UVSSA: variants seen among roughly 807,000 people sequenced by gnomAD.
The protein encoded by UVSSA is UV-stimulated scaffold protein A.
Under a neutral mutation model 73.9 loss-of-function variants are expected in UVSSA, and 72 were observed. That is an observed-to-expected ratio of 0.97 (90% confidence interval 0.81 to 1.19). The LOEUF is 1.19. Ranked by LOEUF, UVSSA falls within the 50% of genes most tolerant of loss-of-function variation. The probability of loss-of-function intolerance (pLI) is 0.00; values close to 1 mark genes in which losing one functional copy is unlikely to be tolerated. For missense variants in UVSSA, 1,150 were observed against 965.0 expected, an observed-to-expected ratio of 1.19 and a Z score of -2.54; for synonymous variants, 454 against 391.3, an observed-to-expected ratio of 1.16 and a Z score of -1.89.
chr4:1,389,915 A>G (rs1720365977), downstream of UVSSA: 1 of 152,182 alleles, frequency 6.6e-6, no homozygotes, highest in South Asian at 2.1e-4. Context: ...TTGTTGATCT[A>G]TTTAAAGAAA....
chr4:1,346,252 G>C (rs1228901805), upstream of UVSSA, among the ~76,000 whole-genome samples: 1 of 152,238 alleles, frequency 6.6e-6, no homozygotes, highest in Non-Finnish European at 1.5e-5. Flanking sequence ...GTAATGCAAG[G>C]GCACGCCCAT....
At chr4:1,352,081 A>G (rs1318584968) in intron 4 of UVSSA, among the ~76,000 whole-genome samples, 2 of 152,372 alleles carry the variant, frequency 1.3e-5, no homozygotes, top group East Asian at 3.9e-4. Flanking sequence ...ACCTCTGGGC[A>G]GAGATGCCAG....
chr4:1,375,697 G>C (rs1718681469), intron 9 of UVSSA, among the ~76,000 whole-genome samples, 189 bp downstream of exon 9: 2 of 152,236 alleles, frequency 1.3e-5, no homozygotes, highest in African/African-American at 4.8e-5. Context: ...GCCAGCATCA[G>C]CTGGAGCCCG....
intron 7 of UVSSA, among the ~76,000 whole-genome samples, chr4:1,363,074 C>T (rs530923842): frequency 2.0e-5 from 3 of 151,558 alleles, no homozygotes; most frequent in South Asian, 2.1e-4. Flanking sequence ...ATTTAGTATC[C>T]GCAGTGAAGC....
At chr4:1,374,652 C>G (rs1022111351) in intron 8 of UVSSA, among the ~76,000 whole-genome samples, 30 of 152,318 alleles carry the variant, frequency 2.0e-4, no homozygotes, top group African/African-American at 7.2e-4. Context: ...TCCGGGACGG[C>G]ATCTTGGTCC....
intron 10 of UVSSA, among the ~76,000 whole-genome samples, chr4:1,379,685 C>A (rs939674636): frequency 1.3e-5 from 2 of 152,242 alleles, no homozygotes; most frequent in African/African-American, 4.8e-5. Flanking sequence ...GACGCAGCAG[C>A]TGTCGCCCTT....
chr4:1,361,476 C>A, intron 7 of UVSSA, among the ~76,000 whole-genome samples: 1 of 152,264 alleles, frequency 6.6e-6, no homozygotes, highest in East Asian at 1.9e-4. Context: ...TCCAGGCTCT[C>A]GTTTCAGAGG....
At chr4:1,343,284 G>T (rs1713497378), upstream of UVSSA, among the ~76,000 whole-genome samples, 1 of 152,042 alleles carries the variant, frequency 6.6e-6, no homozygotes, top group Non-Finnish European at 1.5e-5. Context: ...ACACATCTCA[G>T]GAGTCTCTTC....
upstream of UVSSA, among the ~76,000 whole-genome samples, chr4:1,346,555 G>C (rs1183816442): frequency 1.3e-5 from 2 of 152,094 alleles, no homozygotes; most frequent in African/African-American, 4.8e-5. Flanking sequence ...TACCTGCTGT[G>C]CGTCTGGCGC....
At chr4:1,366,289 G>A (rs779607234) in intron 7 of UVSSA, 31 bp from the exon 8 acceptor site, 59 of 1,557,344 alleles carry the variant, frequency 3.8e-5, no homozygotes, top group Non-Finnish European at 4.9e-5. Context: ...AGGGTCTGGG[G>A]GTTGATTTGT....
intron 5 of UVSSA, chr4:1,354,491 C>CT: frequency 3.8e-6 from 2 of 533,080 alleles, no homozygotes; most frequent in East Asian, 3.2e-5. Flanking sequence ...GCCAAGGAGA[C>CT]TGAGACACAG....
intron 10 of UVSSA, among the ~76,000 whole-genome samples, chr4:1,377,021 C>G (rs948579109): frequency 2.0e-5 from 3 of 152,222 alleles, no homozygotes; most frequent in Non-Finnish European, 2.9e-5. Context: ...TTTCAAGGGC[C>G]GGGCTGCCTG....
intron 10 of UVSSA, 56 bp from the exon 11 acceptor site, chr4:1,379,991 C>T: frequency 6.5e-7 from 1 of 1,530,922 alleles, no homozygotes; most frequent in Non-Finnish European, 8.8e-7. Context: ...ACCACCGTGG[C>T]CACGCTCTTC....
chr4:1,394,157 C>G (rs768618196), exon 14 of UVSSA: 17 of 412,878 alleles, frequency 4.1e-5, no homozygotes, highest in Non-Finnish European at 7.1e-5. Flanking sequence ...TCAGGTTCCT[C>G]TCGGGCACAC....
At chr4:1,362,474 C>T (rs1195545359) in intron 7 of UVSSA, among the ~76,000 whole-genome samples, 2 of 152,242 alleles carry the variant, frequency 1.3e-5, no homozygotes, top group African/African-American at 2.4e-5. Flanking sequence ...ACAGGAAACT[C>T]GGCTGCCAGG....
Position 1,376,087 on chromosome 4 carries a change from G to A in UVSSA, c.1487G>A (p.Arg496Gln), listed in dbSNP as rs765171055. The A allele has an allele frequency of 2.7e-5, 43 of 1,602,852 alleles. No individual in the cohort carries two copies. The highest frequency in any genetic ancestry group is 8.5e-5 in the Admixed American group (5 of 58,850). Reference sequence around the variant, plus strand: ...GAGGCCCAGAAGCTGGCAGCAGAGCGGGCCCGGGCGCCTGTGGTGCCCTAC... The same window carrying A: ...GAGGCCCAGAAGCTGGCAGCAGAGCAGGCCCGGGCGCCTGTGGTGCCCTAC... ...PQEAQKLAAERARAPVVPYGV... is the reference protein window; with the variant it reads ...PQEAQKLAAEQARAPVVPYGV... Residue 496 changes from arginine (R) to glutamine (Q), a missense_variant, in exon 10 of 14, where the codon CGG becomes CAG. By Grantham distance (43) the Arg-to-Gln change is conservative. Coordinates refer to ENST00000389851, the MANE Select transcript of UVSSA (RefSeq NM_020894.4).
At chr4:1,351,939 T>C in intron 4 of UVSSA, 104 bp downstream of exon 4, 8 of 1,527,228 alleles carry the variant, frequency 5.2e-6, no homozygotes, top group Non-Finnish European at 6.2e-6. Flanking sequence ...GGAACCCAGG[T>C]TTTGAGACAG....
intron 7 of UVSSA, among the ~76,000 whole-genome samples, chr4:1,357,549 C>T (rs1022923791): frequency 2.0e-5 from 3 of 152,236 alleles, no homozygotes; most frequent in African/African-American, 7.2e-5. Flanking sequence ...GAGGAGCTGC[C>T]GTTCCCCGAG....
rs137924342 is a variant in UVSSA at position 1,384,302 on chromosome 4, C to T, written c.2036+362C>T. 2.6e-4 allele frequency: 68 copies of T among 262,724 alleles called. No individual in the cohort carries two copies. In the East Asian group the frequency reaches 6.6e-3, roughly 25 times the overall value. The allele number at this position is 262,724 out of a possible 1,614,324, so 16.3% of individuals were successfully genotyped here. On this transcript the variant is annotated intron_variant, in intron 13 of 13. Transcript: ENST00000389851. ...GGCTGTACCCCCAGGTCAGTGCCTGCGTATTTCTGCAGCGGTGACTTCAGG... is the reference window on the plus strand; with the variant it reads ...GGCTGTACCCCCAGGTCAGTGCCTGTGTATTTCTGCAGCGGTGACTTCAGG...
Sources: allele counts gnomAD v4.1 joint callset (sites outside exome capture counted in the v4.1 genomes callset), GRCh38; gene constraint gnomAD v4.1.1; transcripts MANE v1.5; gene names NCBI Gene and HGNC (gene_info 2026-07-23, HGNC 2026-07-21).